NRXN1: variants seen among roughly 807,000 people sequenced by gnomAD.
The protein encoded by NRXN1 is neurexin 1, also known as neurexin-1.
In NRXN1, 39 loss-of-function variants were observed where a neutral mutation model predicts 150.9. That is an observed-to-expected ratio of 0.26 (90% CI 0.20 to 0.34). NRXN1 has a LOEUF of 0.34. Among genes scored for constraint, NRXN1 ranks in the 10% least tolerant of loss-of-function variants. The probability of loss-of-function intolerance (pLI) is 1.00; values close to 1 mark genes in which losing one functional copy is unlikely to be tolerated. For synonymous variants in NRXN1, 924 were observed against 757.0 expected (o/e 1.22, Z -3.62); for missense variants, 1,815 against 1,949.9 (o/e 0.93, Z 1.30).
intron 21 of NRXN1, among the ~76,000 whole-genome samples, chr2:49,949,973 C>T (rs750708040): frequency 6.6e-6 from 1 of 151,446 alleles, no homozygotes; most frequent in Non-Finnish European, 1.5e-5. Flanking sequence ...ATATTTATCA[C>T]TAGGTGAGGT....
At chr2:51,017,932 G>C (rs1575237819) in intron 2 of NRXN1, among the ~76,000 whole-genome samples, 1 of 152,012 alleles carries the variant, frequency 6.6e-6, no homozygotes, top group Non-Finnish European at 1.5e-5. Flanking sequence ...ATTTCCCTAA[G>C]GAGAGCCCAG....
At chr2:50,910,711 T>C (rs1227537307) in intron 5 of NRXN1, among the ~76,000 whole-genome samples, 1 of 151,980 alleles carries the variant, frequency 6.6e-6, no homozygotes, top group Non-Finnish European at 1.5e-5. Context: ...TTAGGTATAA[T>C]GGTGTTCCTA....
intron 21 of NRXN1, among the ~76,000 whole-genome samples, chr2:50,044,326 G>C (rs150009314): frequency 1.3e-5 from 2 of 152,272 alleles, no homozygotes; most frequent in African/African-American, 4.8e-5. Flanking sequence ...AAGTAGAAAA[G>C]TCCTAGAAGG....
chr2:50,610,500 T>C (rs1677861364), intron 8 of NRXN1, among the ~76,000 whole-genome samples: 1 of 151,026 alleles, frequency 6.6e-6, no homozygotes, highest in African/African-American at 2.4e-5. Flanking sequence ...TAGAGAAATT[T>C]TTCATACCTC....
intron 5 of NRXN1, among the ~76,000 whole-genome samples, chr2:50,705,553 T>G (rs541246482): frequency 6.6e-6 from 1 of 152,312 alleles, no homozygotes; most frequent in South Asian, 2.1e-4. Context: ...ATATCTTGAC[T>G]TTCATAATTT....
At chr2:50,719,830 C>T (rs1696402383) in intron 5 of NRXN1, among the ~76,000 whole-genome samples, 1 of 152,112 alleles carries the variant, frequency 6.6e-6, no homozygotes. Context: ...TTCCTTAGGC[C>T]AACTTTGCCT....
At chr2:50,297,555 A>T (rs183768714) in intron 17 of NRXN1, among the ~76,000 whole-genome samples, 98 of 152,296 alleles carry the variant, frequency 6.4e-4, no homozygotes, top group African/African-American at 2.2e-3. Flanking sequence ...ACTTCACCCT[A>T]AAGTTAATTC....
chr2:50,895,578 T>G (rs1011499451), intron 5 of NRXN1, among the ~76,000 whole-genome samples: 3 of 140,326 alleles, frequency 2.1e-5, no homozygotes, highest in African/African-American at 7.5e-5. Context: ...GTTTTTTTTG[T>G]TTGTTTGTCT....
intron 18 of NRXN1, among the ~76,000 whole-genome samples, chr2:50,176,854 A>G (rs1344233497): frequency 6.6e-6 from 1 of 152,078 alleles, no homozygotes; most frequent in African/African-American, 2.4e-5. Flanking sequence ...GAAAGTCCAG[A>G]GCTAAGACAT....
At chr2:50,002,969 T>C (rs1230478090) in intron 21 of NRXN1, among the ~76,000 whole-genome samples, 1 of 152,124 alleles carries the variant, frequency 6.6e-6, no homozygotes, top group Non-Finnish European at 1.5e-5. Flanking sequence ...TAGGCAACTC[T>C]TAAAAAGCCT....
At chr2:50,382,070 T>G (rs961664132) in intron 17 of NRXN1, among the ~76,000 whole-genome samples, 2 of 151,982 alleles carry the variant, frequency 1.3e-5, no homozygotes, top group Non-Finnish European at 2.9e-5. Context: ...AGTTGCTCAA[T>G]CTCCGACCAG....
chr2:50,785,794 C>G (rs747515265), intron 5 of NRXN1, among the ~76,000 whole-genome samples: 4 of 152,042 alleles, frequency 2.6e-5, no homozygotes, highest in Non-Finnish European at 4.4e-5. Flanking sequence ...GAAGGGAGTT[C>G]TAAAGCATGT....
intron 8 of NRXN1, among the ~76,000 whole-genome samples, chr2:50,571,873 C>G (rs1670721953): frequency 1.3e-5 from 2 of 152,108 alleles, no homozygotes; most frequent in East Asian, 3.9e-4. Context: ...CCCAACAGAG[C>G]TGAACCTAAG....
chr2:50,995,815 G>A (rs956672891), intron 2 of NRXN1, among the ~76,000 whole-genome samples: 88 of 152,152 alleles, frequency 5.8e-4, no homozygotes, highest in African/African-American at 1.8e-3. Flanking sequence ...TAATTCTTGT[G>A]TGACTAAGCA....
At chr2:50,504,386 G>A (rs1410654739) in intron 13 of NRXN1, among the ~76,000 whole-genome samples, 1 of 152,096 alleles carries the variant, frequency 6.6e-6, no homozygotes, top group Admixed American at 6.6e-5. Flanking sequence ...GGGACACTGT[G>A]TATGTAACTT....
At chr2:50,445,559 T>C (rs1178549524) in intron 17 of NRXN1, among the ~76,000 whole-genome samples, 1 of 152,168 alleles carries the variant, frequency 6.6e-6, no homozygotes, top group African/African-American at 2.4e-5. Flanking sequence ...TCAGCAAGAC[T>C]ACAAACTCCA....
chr2:50,781,373 A>G (rs569461344), intron 5 of NRXN1, among the ~76,000 whole-genome samples: 478 of 142,856 alleles, frequency 3.3e-3, no homozygotes, highest in Non-Finnish European at 5.5e-3. Flanking sequence ...AAGTCTGGGG[A>G]AAAAAAAAAA....
At chr2:50,212,779 C>T (rs2063128630) in intron 18 of NRXN1, among the ~76,000 whole-genome samples, 1 of 151,892 alleles carries the variant, frequency 6.6e-6, no homozygotes, top group Non-Finnish European at 1.5e-5. Flanking sequence ...CCCCTTTAAC[C>T]TTTCACAGTT....
At chr2:50,672,504 G>A (rs1689001778) in intron 5 of NRXN1, among the ~76,000 whole-genome samples, 1 of 151,964 alleles carries the variant, frequency 6.6e-6, no homozygotes, top group South Asian at 2.1e-4. Flanking sequence ...AATCCCTAGG[G>A]AAGCACAGAA....
Sources: allele counts gnomAD v4.1 joint callset (sites outside exome capture counted in the v4.1 genomes callset), GRCh38; gene constraint gnomAD v4.1.1; transcripts MANE v1.5; gene names NCBI Gene and HGNC (gene_info 2026-07-23, HGNC 2026-07-21).